SLAIN2: variants seen among roughly 807,000 people sequenced by gnomAD.
SLAIN2 encodes the protein SLAIN family member 2, also known as SLAIN motif-containing protein 2.
In SLAIN2, 31 loss-of-function variants were observed where a neutral mutation model predicts 56.6. The ratio of observed to expected loss-of-function variants is 0.55; its 90% confidence interval spans 0.41 to 0.74. The LOEUF (loss-of-function observed/expected upper bound fraction) is 0.74, where lower values mean the gene tolerates loss of function less well. SLAIN2 is among the 30% of genes least tolerant of loss of function. The pLI is 0.00. For missense variants in SLAIN2, 777 were observed against 754.2 expected, an observed-to-expected ratio of 1.03 and a Z score of -0.35; for synonymous variants, 317 against 284.9, an observed-to-expected ratio of 1.11 and a Z score of -1.13.
intron 2 of SLAIN2, among the ~76,000 whole-genome samples, chr4:48,370,584 A>G (rs1174064718): frequency 6.6e-6 from 1 of 152,214 alleles, no homozygotes; most frequent in Non-Finnish European, 1.5e-5. Flanking sequence ...AAACTACTTG[A>G]CATTTTAGGT....
Position 48,424,163 on chromosome 4 carries a change from T to G in SLAIN2, c.*2086T>G, listed in dbSNP as rs1717239672. On this transcript the variant is annotated 3_prime_UTR_variant, in exon 8 of 8. Transcript: ENST00000264313. ...TGTCTATTTTTTTTTATTAAAATAT[T>G]TCATCACTTGTTAAAACATATTTTT... is the stretch of plus-strand genomic sequence containing the variant. 6.6e-6 allele frequency: 1 copy of G among 152,188 alleles called. No homozygotes were observed. 9.4% of individuals were successfully genotyped at this position (152,188 alleles called of 1,614,324 possible).
intron 6 of SLAIN2, among the ~76,000 whole-genome samples, chr4:48,395,001 T>TTAAA (rs1379588091): frequency 6.6e-6 from 1 of 152,226 alleles, no homozygotes; most frequent in African/African-American, 2.4e-5. Flanking sequence ...TGATGTTTTT[T>TTAAA]CCTCAGACTT....
intron 6 of SLAIN2, among the ~76,000 whole-genome samples, chr4:48,404,617 A>G (rs2109779494): frequency 6.6e-6 from 1 of 152,380 alleles, no homozygotes; most frequent in African/African-American, 2.4e-5. Context: ...GGTTCCCTCC[A>G]AACACACATT....
intron 6 of SLAIN2, among the ~76,000 whole-genome samples, chr4:48,400,292 G>T (rs1368236972): frequency 2.6e-5 from 4 of 151,916 alleles, no homozygotes; most frequent in Non-Finnish European, 5.9e-5. Flanking sequence ...TATGTACATA[G>T]AGGTGTTTAT....
At chr4:48,403,542 T>G (rs566657533) in intron 6 of SLAIN2, among the ~76,000 whole-genome samples, 9 of 152,174 alleles carry the variant, frequency 5.9e-5, no homozygotes, top group Admixed American at 1.3e-4. Context: ...ATCTGGACTT[T>G]CCAGAGCCAG....
intron 5 of SLAIN2, 57 bp downstream of exon 5, chr4:48,382,984 G>C (rs1716008875): frequency 1.0e-5 from 15 of 1,478,586 alleles, no homozygotes; most frequent in African/African-American, 7.1e-5. Flanking sequence ...GTGTAACATA[G>C]CAAGACCCCG....
chr4:48,377,226 A>G (rs1395802338), intron 2 of SLAIN2, among the ~76,000 whole-genome samples: 1 of 151,722 alleles, frequency 6.6e-6, no homozygotes, highest in Non-Finnish European at 1.5e-5. Flanking sequence ...TCTGTCGCCC[A>G]GGCTGGAGTG....
chr4:48,378,149 T>A, intron 3 of SLAIN2, 89 bp downstream of exon 3: 1 of 1,404,550 alleles, frequency 7.1e-7, no homozygotes. Flanking sequence ...CAGTTCGAGT[T>A]CATTTTATTT....
intron 1 of SLAIN2, 109 bp downstream of exon 1, chr4:48,342,237 C>G: frequency 7.9e-7 from 1 of 1,272,548 alleles, no homozygotes; most frequent in South Asian, 2.2e-5. Context: ...GCCGGGTCCG[C>G]TCTCCTGTGG....
At chr4:48,375,766 C>G (rs891755239) in intron 2 of SLAIN2, among the ~76,000 whole-genome samples, 1 of 152,182 alleles carries the variant, frequency 6.6e-6, no homozygotes, top group African/African-American at 2.4e-5. Context: ...TTTGTCCCTG[C>G]CCTGTGCTTT....
intron 6 of SLAIN2, among the ~76,000 whole-genome samples, chr4:48,412,157 A>G (rs1716873056): frequency 6.6e-6 from 1 of 152,334 alleles, no homozygotes; most frequent in African/African-American, 2.4e-5. Context: ...AAACTAAAAT[A>G]CAATAAGTTA....
chr4:48,421,651 A>G (rs913676031), intron 7 of SLAIN2, among the ~76,000 whole-genome samples: 3 of 152,066 alleles, frequency 2.0e-5, no homozygotes, highest in Non-Finnish European at 4.4e-5. Context: ...CTGCCTTTCT[A>G]GTGATGCTGA....
intron 7 of SLAIN2, 57 bp downstream of exon 7, chr4:48,420,500 G>A: frequency 6.4e-7 from 1 of 1,572,066 alleles, no homozygotes; most frequent in Non-Finnish European, 8.7e-7. Context: ...GGATAGACTG[G>A]AATGAATTAG....
intron 6 of SLAIN2, among the ~76,000 whole-genome samples, chr4:48,400,211 T>G (rs1373884626): frequency 6.6e-6 from 1 of 152,166 alleles, no homozygotes; most frequent in Non-Finnish European, 1.5e-5. Flanking sequence ...GGGATTCAGT[T>G]TCTTCCTGGT....
intron 1 of SLAIN2, among the ~76,000 whole-genome samples, chr4:48,354,652 C>T (rs1465872779): frequency 3.3e-5 from 5 of 151,770 alleles, no homozygotes; most frequent in African/African-American, 7.3e-5. Context: ...TTTTTAGTAG[C>T]GATGGGTTTT....
intron 1 of SLAIN2, among the ~76,000 whole-genome samples, chr4:48,359,785 A>C (rs1289363036): frequency 1.3e-5 from 2 of 152,198 alleles, no homozygotes; most frequent in African/African-American, 2.4e-5. Flanking sequence ...ATGACTTCTT[A>C]TTGTAAGCTT....
chr4:48,398,869 C>T (rs1481570491), intron 6 of SLAIN2, among the ~76,000 whole-genome samples: 1 of 152,148 alleles, frequency 6.6e-6, no homozygotes, highest in African/African-American at 2.4e-5. Context: ...TGTTCTTGTA[C>T]CAGTACTATG....
intron 3 of SLAIN2, among the ~76,000 whole-genome samples, chr4:48,379,447 A>G (rs995840747): frequency 3.3e-5 from 5 of 152,098 alleles, no homozygotes; most frequent in African/African-American, 9.7e-5. Context: ...GAATTGTTAC[A>G]TAAGAGAATA....
intron 3 of SLAIN2, among the ~76,000 whole-genome samples, chr4:48,378,642 C>G (rs1715890244): frequency 6.6e-6 from 1 of 152,170 alleles, no homozygotes; most frequent in Admixed American, 6.5e-5. Flanking sequence ...ATTATTATAA[C>G]TTCCTTAAAA....
Sources: gnomAD v4.1 joint callset for allele counts (sites outside exome capture counted in the v4.1 genomes callset) on GRCh38, gnomAD v4.1.1 for gene constraint, MANE v1.5 for transcripts, NCBI Gene and HGNC (gene_info 2026-07-23, HGNC 2026-07-21) for gene names.